CLSTN2: variants seen among roughly 807,000 people sequenced by gnomAD.
CLSTN2 encodes calsyntenin 2.
Under a neutral mutation model 101.2 loss-of-function variants are expected in CLSTN2, and 48 were observed. That is an observed-to-expected ratio of 0.47 (90% CI 0.38 to 0.60). CLSTN2 has a LOEUF of 0.60. CLSTN2 is among the 20% of genes least tolerant of loss of function. CLSTN2 has a pLI of 0.00. For synonymous variants in CLSTN2, 481 were observed against 463.6 expected (o/e 1.04, Z -0.48); for missense variants, 1,160 against 1,238.2 (o/e 0.94, Z 0.95).
At chr3:140,257,663 C>T (rs938262905) in intron 2 of CLSTN2, among the ~76,000 whole-genome samples, 6 of 151,814 alleles carry the variant, frequency 4.0e-5, no homozygotes, top group African/African-American at 9.7e-5. Flanking sequence ...AAGAATTTCT[C>T]GGTCATTAAA....
intron 8 of CLSTN2, among the ~76,000 whole-genome samples, chr3:140,469,251 A>G (rs955736844): frequency 6.6e-6 from 1 of 152,206 alleles, no homozygotes; most frequent in Admixed American, 6.5e-5. Context: ...TTCCTCTACT[A>G]AAGAAATTAA....
At chr3:139,968,524 T>G (rs556738902) in intron 1 of CLSTN2, among the ~76,000 whole-genome samples, 17 of 152,322 alleles carry the variant, frequency 1.1e-4, no homozygotes, top group African/African-American at 3.8e-4. Context: ...GTTTTGCTCT[T>G]CCACCTTTCA....
intron 9 of CLSTN2, among the ~76,000 whole-genome samples, chr3:140,541,808 CTCTTATTCTGTTTT>C (rs1336665948): frequency 6.6e-6 from 1 of 152,150 alleles, no homozygotes; most frequent in Non-Finnish European, 1.5e-5. Context: ...AGGCCAGATT[CTCTTATTCTGTTTT>C]TCCCCCAAAG....
At chr3:140,404,244 G>T (rs574210624) in intron 3 of CLSTN2, among the ~76,000 whole-genome samples, 12 of 152,210 alleles carry the variant, frequency 7.9e-5, no homozygotes, top group Non-Finnish European at 1.3e-4. Context: ...GAGTAAGAGG[G>T]GTTAAATTCT....
At chr3:139,972,394 G>C (rs9810814) in intron 1 of CLSTN2, among the ~76,000 whole-genome samples, 17,006 of 152,184 alleles carry the variant, frequency 0.11, 1,014 homozygotes, top group Non-Finnish European at 0.13. Context: ...GGCAGAGGCT[G>C]AGTGAAGGAA....
intron 2 of CLSTN2, among the ~76,000 whole-genome samples, chr3:140,184,596 T>A (rs1181628777): frequency 1.3e-5 from 2 of 152,098 alleles, no homozygotes; most frequent in African/African-American, 4.8e-5. Flanking sequence ...CCAAACCATA[T>A]CACTGTCCCA....
At position 140,576,377 on chromosome 3, in the gene CLSTN2, A is replaced by T. The variant is rs1219444177; in HGVS notation, c.*10124A>T. 2.0e-5 allele frequency: 3 copies of T among 152,178 alleles called. No individual in the cohort carries two copies. The highest frequency in any genetic ancestry group is 7.2e-5 in the African/African-American group (3 of 41,444). 9.4% of individuals were successfully genotyped at this position (152,178 alleles called of 1,614,324 possible). ...CTATTGTCTCTACACCGTTGCCCAA[A>T]CACTTGGTATAATGCTATTGAATTT... On this transcript the variant is annotated 3_prime_UTR_variant, in exon 17 of 17. Coordinates refer to ENST00000458420, the MANE Select transcript of CLSTN2 (RefSeq NM_022131.3).
intron 8 of CLSTN2, among the ~76,000 whole-genome samples, chr3:140,473,351 C>T (rs1290885704): frequency 6.6e-6 from 1 of 152,188 alleles, no homozygotes; most frequent in Non-Finnish European, 1.5e-5. Context: ...AGATGTCTAC[C>T]TCTGAACCCC....
At chr3:140,187,971 G>A (rs1232116075) in intron 2 of CLSTN2, among the ~76,000 whole-genome samples, 1 of 152,104 alleles carries the variant, frequency 6.6e-6, no homozygotes, top group Non-Finnish European at 1.5e-5. Flanking sequence ...TCCTTGAGTA[G>A]CATTCCTTTG....
At chr3:140,287,641 A>G (rs1331684108) in intron 2 of CLSTN2, among the ~76,000 whole-genome samples, 4 of 152,188 alleles carry the variant, frequency 2.6e-5, no homozygotes, top group Non-Finnish European at 4.4e-5. Flanking sequence ...TTTTTTTCCT[A>G]AGGAAAATGG....
intron 2 of CLSTN2, among the ~76,000 whole-genome samples, chr3:140,365,667 A>G (rs1196737631): frequency 3.3e-5 from 5 of 151,994 alleles, no homozygotes; most frequent in East Asian, 1.9e-4. Flanking sequence ...CAGGACTTCA[A>G]AATCTGACCC....
intron 8 of CLSTN2, among the ~76,000 whole-genome samples, chr3:140,466,981 C>T (rs528952): frequency 6.6e-6 from 1 of 152,032 alleles, no homozygotes; most frequent in African/African-American, 2.4e-5. Context: ...TGTCATGTGC[C>T]GTTTGTCCAT....
rs774837499 is a variant in CLSTN2 at position 140,566,082 on chromosome 3, T to C, written c.2697T>C (p.Asp899=). The stretch of plus-strand genomic sequence containing the variant: ...ATGAAGGACCAGGGCATGGGGAAGA[T>C]GAGACTGAGGGAGAAGAGGAGGAAG... ...EKHEGPGHGE[D]ETEGEEEEEA... is the part of the protein sequence containing the mutation. Residue 899 remains aspartate (D), a synonymous_variant, in exon 17 of 17, where the codon GAT becomes GAC. Coordinates refer to ENST00000458420, the MANE Select transcript of CLSTN2 (RefSeq NM_022131.3). 3 of 1,613,454 alleles carry C rather than the reference T, an allele frequency of 1.9e-6. No individual in the cohort carries two copies. In the Admixed American group the frequency reaches 5.0e-5, roughly 27 times the overall value.
At chr3:140,068,311 C>G (rs998800213) in intron 1 of CLSTN2, among the ~76,000 whole-genome samples, 2 of 152,216 alleles carry the variant, frequency 1.3e-5, no homozygotes, top group African/African-American at 4.8e-5. Context: ...ATTTAACGCT[C>G]TTTGGGCCTT....
At chr3:140,480,598 C>T (rs1455899807) in intron 8 of CLSTN2, among the ~76,000 whole-genome samples, 1 of 152,212 alleles carries the variant, frequency 6.6e-6, no homozygotes, top group African/African-American at 2.4e-5. Context: ...CACATCCTCT[C>T]TAGCACCTGT....
intron 10 of CLSTN2, among the ~76,000 whole-genome samples, chr3:140,552,986 C>T (rs1189235751): frequency 1.3e-5 from 2 of 152,230 alleles, no homozygotes; most frequent in East Asian, 1.9e-4. Flanking sequence ...CATAACTAAT[C>T]GTGACTCACT....
At chr3:140,091,104 T>C (rs545756232) in intron 1 of CLSTN2, among the ~76,000 whole-genome samples, 8 of 152,236 alleles carry the variant, frequency 5.3e-5, no homozygotes, top group African/African-American at 1.7e-4. Context: ...CATTTCTTTA[T>C]TTTAAACGTG....
chr3:140,386,888 A>G (rs573461314), intron 2 of CLSTN2, among the ~76,000 whole-genome samples: 4 of 152,358 alleles, frequency 2.6e-5, no homozygotes, highest in African/African-American at 9.6e-5. Context: ...CATTTGGAGT[A>G]TGCGCCTGTG....
intron 12 of CLSTN2, among the ~76,000 whole-genome samples, chr3:140,559,917 C>T (rs1204707813): frequency 6.6e-6 from 1 of 152,210 alleles, no homozygotes; most frequent in African/African-American, 2.4e-5. Context: ...GTTTCCTGGT[C>T]ACAGGCCAAC....
Sources: gnomAD v4.1 joint callset for allele counts (sites outside exome capture counted in the v4.1 genomes callset) on GRCh38, gnomAD v4.1.1 for gene constraint, MANE v1.5 for transcripts, NCBI Gene and HGNC (gene_info 2026-07-23, HGNC 2026-07-21) for gene names.